The following FOCAD variants were observed in gnomAD, a reference collection of about 807,000 sequenced individuals.
FOCAD encodes the protein KIAA1797.
FOCAD carries 198 observed loss-of-function variants against 225.6 expected under a neutral mutation model. The ratio of observed to expected loss-of-function variants is 0.88; its 90% CI spans 0.78 to 0.99. FOCAD has a LOEUF of 0.99. Among genes scored for constraint, FOCAD ranks in the 50% least tolerant of loss-of-function variants. FOCAD has a pLI of 0.00. For missense variants in FOCAD, 2,713 were observed against 2,123.6 expected, an observed-to-expected ratio of 1.28 and a Z score of -5.46; for synonymous variants, 897 against 755.0, an observed-to-expected ratio of 1.19 and a Z score of -3.08.
intron 42 of FOCAD, among the ~76,000 whole-genome samples, chr9:20,992,886 C>G (rs775793796): frequency 6.6e-6 from 1 of 151,194 alleles, no homozygotes; most frequent in Non-Finnish European, 1.5e-5. Flanking sequence ...TCACTTGAAC[C>G]CAGGAGGCAG....
rs1336533561 is a variant in FOCAD, at chr9:20,857,518, G to GAAA, written c.1921-5059_1921-5058insAAA. Among the ~76,000 whole-genome samples the GAAA allele has an allele frequency of 1.5e-3, 227 of 151,952 alleles. 3 individuals carry two copies. In the East Asian group the frequency reaches 0.04, roughly 27 times the overall value. On this transcript the variant is annotated intron_variant, in intron 15 of 43. Coordinates refer to ENST00000338382, the MANE Select transcript of FOCAD (RefSeq NM_001375567.1). The stretch of plus-strand genomic sequence containing the variant: ...AGAGTCTCTAGGTTTTTCTAAATAT[G>GAAA]AGATCATATCATTTGGAAAGAAAAA...
intron 4 of FOCAD, among the ~76,000 whole-genome samples, chr9:20,732,622 C>A (rs957099177): frequency 6.6e-6 from 1 of 151,918 alleles, no homozygotes; most frequent in Admixed American, 6.6e-5. Context: ...GTTAGTGATT[C>A]CACAAAAGGC....
chr9:20,905,023 A>G (rs1832843292), intron 21 of FOCAD, among the ~76,000 whole-genome samples: 1 of 152,008 alleles, frequency 6.6e-6, no homozygotes, highest in African/African-American at 2.4e-5. Context: ...CACAATGGGA[A>G]TGTAAGGGCA....
chr9:20,683,143 A>T (rs528523192), upstream of FOCAD, among the ~76,000 whole-genome samples: 7 of 152,176 alleles, frequency 4.6e-5, no homozygotes, highest in Non-Finnish European at 1.0e-4. Context: ...TCTGTGATAC[A>T]TAATTACTTT....
At chr9:20,671,440 C>G (rs1355056382) in intron 2 of FOCAD, among the ~76,000 whole-genome samples, 1 of 152,118 alleles carries the variant, frequency 6.6e-6, no homozygotes, top group East Asian at 1.9e-4. Context: ...CAGCCCAGAA[C>G]AAGCTTTCTC....
intron 29 of FOCAD, 114 bp from the exon 30 acceptor site, chr9:20,946,587 T>C (rs531291390): frequency 4.6e-5 from 53 of 1,161,464 alleles, no homozygotes; most frequent in South Asian, 2.6e-4. Flanking sequence ...GGTAAATGTA[T>C]GTGAATCCAA....
At chr9:20,961,627 T>C (rs576380586) in intron 35 of FOCAD, among the ~76,000 whole-genome samples, 2 of 152,176 alleles carry the variant, frequency 1.3e-5, no homozygotes, top group Non-Finnish European at 2.9e-5. Flanking sequence ...TAGCTATATA[T>C]GTAATAAAAA....
In FOCAD at chr9:20,708,847, A is replaced by G. The variant is rs183198194; in HGVS notation, c.-32-6475A>G. The stretch of plus-strand genomic sequence containing the variant: ...ATATGACTGCCCTTGAGCCGTTCCT[A>G]TATAGAAATTTGGTAGTCAAGAGTG... On this transcript the variant is annotated intron_variant, in intron 1 of 43. Coordinates refer to ENST00000338382, the MANE Select transcript of FOCAD (RefSeq NM_001375567.1). Among the ~76,000 whole-genome samples, 177 of 152,142 alleles carry G rather than the reference A, an allele frequency of 1.2e-3. 2 individuals are homozygous for G. The highest frequency in any genetic ancestry group is 4.0e-3 in the African/African-American group (166 of 41,526).
At chr9:20,929,697 A>G (rs1232598501) in intron 27 of FOCAD, 101 bp downstream of exon 27, 1 of 924,756 alleles carries the variant, frequency 1.1e-6, no homozygotes, top group African/African-American at 1.6e-5. Context: ...TCTGAGCAAT[A>G]TGTGTTTGCT....
At chr9:20,844,349 CTTTTTTTTTTTTTTT>C (rs58468376) in intron 15 of FOCAD, among the ~76,000 whole-genome samples, 1 of 77,248 alleles carries the variant, frequency 1.3e-5, no homozygotes, top group Non-Finnish European at 2.2e-5. Context: ...AGGAAATTTC[CTTTTTTTTTTTTTTT>C]TTTTTTTTTT....
chr9:20,886,031 C>G (rs1213572013), intron 21 of FOCAD, among the ~76,000 whole-genome samples: 2 of 152,034 alleles, frequency 1.3e-5, no homozygotes, highest in African/African-American at 4.8e-5. Context: ...ATTTTGATGC[C>G]TAATTTATAC....
intron 6 of FOCAD, among the ~76,000 whole-genome samples, chr9:20,763,514 C>G (rs12164232): frequency 6.6e-6 from 1 of 151,986 alleles, no homozygotes; most frequent in Non-Finnish European, 1.5e-5. Flanking sequence ...AAAAGCACAT[C>G]TGATGTGATC....
At chr9:20,678,345 T>G (rs1315366388) in intron 2 of FOCAD, among the ~76,000 whole-genome samples, 1 of 152,174 alleles carries the variant, frequency 6.6e-6, no homozygotes, top group African/African-American at 2.4e-5. Flanking sequence ...CTACCAAGCA[T>G]GTGAATGAGG....
chr9:20,823,136 T>A (rs1222164503), intron 15 of FOCAD, 21 bp downstream of exon 15: 1 of 1,596,176 alleles, frequency 6.3e-7, no homozygotes. Flanking sequence ...TTAAATTGCT[T>A]TGGATAATTT....
intron 2 of FOCAD, among the ~76,000 whole-genome samples, chr9:20,666,534 C>A (rs866948725): frequency 6.6e-6 from 1 of 152,140 alleles, no homozygotes; most frequent in Non-Finnish European, 1.5e-5. Context: ...CACTCCCCTG[C>A]ACTCAAGCCT....
At chr9:20,665,224 A>G (rs1213177055) in intron 2 of FOCAD, among the ~76,000 whole-genome samples, 1 of 152,216 alleles carries the variant, frequency 6.6e-6, no homozygotes, top group Non-Finnish European at 1.5e-5. Context: ...CTAAAGACCT[A>G]GAATAATTGT....
At chr9:20,821,667 A>AT (rs1203701322) in intron 14 of FOCAD, among the ~76,000 whole-genome samples, 5 of 151,594 alleles carry the variant, frequency 3.3e-5, no homozygotes, top group African/African-American at 9.7e-5. Context: ...CCATATCCAA[A>AT]TTTTTTTTTC....
chr9:20,769,451 A>T (rs904313390), intron 7 of FOCAD, among the ~76,000 whole-genome samples: 5 of 152,204 alleles, frequency 3.3e-5, no homozygotes, highest in Non-Finnish European at 5.9e-5. Context: ...TTTGAATTGC[A>T]TTGGGATTTT....
intron 24 of FOCAD, among the ~76,000 whole-genome samples, chr9:20,918,353 C>G (rs929212255): frequency 6.6e-6 from 1 of 152,182 alleles, no homozygotes; most frequent in African/African-American, 2.4e-5. Flanking sequence ...AGTATCACTT[C>G]GTGACTAATA....
Sources: allele counts gnomAD v4.1 joint callset (sites outside exome capture counted in the v4.1 genomes callset), GRCh38; gene constraint gnomAD v4.1.1; transcripts MANE v1.5; gene names NCBI Gene and HGNC (gene_info 2026-07-23, HGNC 2026-07-21).